SLC8A1: variants seen among roughly 807,000 people sequenced by gnomAD.
SLC8A1 encodes solute carrier family 8 member A1, also known as sodium/calcium exchanger 1.
Under a neutral mutation model 68.3 loss-of-function variants are expected in SLC8A1, and 18 were observed. The observed-to-expected ratio is 0.26, with a 90% CI of 0.18 to 0.39. The LOEUF (loss-of-function observed/expected upper bound fraction) is 0.39. SLC8A1 is among the 10% of genes least tolerant of loss of function. The probability of loss-of-function intolerance (pLI) is 1.00; values close to 1 mark genes in which losing one functional copy is unlikely to be tolerated. For missense variants in SLC8A1, 985 were observed against 1,156.7 expected, an observed-to-expected ratio of 0.85 and a Z score of 2.15; for synonymous variants, 475 against 415.5, an observed-to-expected ratio of 1.14 and a Z score of -1.74.
rs113487197 is a variant in SLC8A1, at chr2:40,500,556, G to T, written c.-25+11793C>A. Among the ~76,000 whole-genome samples the T allele has an allele frequency of 8.0e-3, 1,220 of 151,646 alleles. 20 individuals are homozygous for T. Among genetic ancestry groups the T allele is most frequent in the African/African-American group, 0.028 (1,162 of 41,370 alleles). Reference sequence around the variant, plus strand: ...AATATCTTATAAATCTAATATTTGGGGAAAAAATGGAACTATTAATTTTAG... The same window carrying T: ...AATATCTTATAAATCTAATATTTGGTGAAAAAATGGAACTATTAATTTTAG... On this transcript the variant is annotated intron_variant, in intron 1 of 7. Coordinates refer to the SLC8A1 transcript ENST00000402441.
chr2:40,320,113 C>G (rs2075010074), intron 2 of SLC8A1, among the ~76,000 whole-genome samples: 1 of 152,048 alleles, frequency 6.6e-6, no homozygotes, highest in African/African-American at 2.4e-5. Flanking sequence ...ATTACCATCA[C>G]CATCATCTTC....
chr2:40,218,516 A>G (rs982224980), intron 2 of SLC8A1, among the ~76,000 whole-genome samples: 7 of 152,152 alleles, frequency 4.6e-5, no homozygotes, highest in African/African-American at 1.7e-4. Flanking sequence ...CTATTTTGCC[A>G]TTACTTTTAA....
chr2:40,396,747 CTAAAAAAAAAA>C (rs1279769201), intron 2 of SLC8A1, among the ~76,000 whole-genome samples: 1 of 23,460 alleles, frequency 4.3e-5, no homozygotes, highest in Non-Finnish European at 6.6e-5. Context: ...TCTCTAATAA[CTAAAAAAAAAA>C]AAAAAAAAAA....
At chr2:40,254,477 A>G (rs1222910493) in intron 2 of SLC8A1, 1 of 115,080 alleles carries the variant, frequency 8.7e-6, no homozygotes, top group Non-Finnish European at 1.9e-5. Flanking sequence ...AATGCAGTAA[A>G]GAATTACTCT....
chr2:40,360,427 G>A (rs1442146006), intron 2 of SLC8A1, among the ~76,000 whole-genome samples: 3 of 152,110 alleles, frequency 2.0e-5, no homozygotes, highest in Admixed American at 2.0e-4. Flanking sequence ...TAGGCTAACA[G>A]GTATTTATAT....
At chr2:40,350,751 C>T (rs1670828894) in intron 2 of SLC8A1, among the ~76,000 whole-genome samples, 1 of 152,028 alleles carries the variant, frequency 6.6e-6, no homozygotes, top group Non-Finnish European at 1.5e-5. Context: ...AACTGCCTGG[C>T]ACGTCACTAA....
At chr2:40,309,430 T>C (rs1458582101) in intron 2 of SLC8A1, among the ~76,000 whole-genome samples, 1 of 152,076 alleles carries the variant, frequency 6.6e-6, no homozygotes, top group African/African-American at 2.4e-5. Flanking sequence ...CTCCCTAAAA[T>C]TGGTTACTGA....
rs200332055 is a variant in SLC8A1, at chr2:40,357,043, A to G, written c.1808+71430T>C. Among the ~76,000 whole-genome samples, 32 of 152,356 alleles carry G rather than the reference A, an allele frequency of 2.1e-4. No individual in the cohort carries two copies. In the East Asian group the frequency reaches 5.6e-3, roughly 27 times the overall value. On this transcript the variant is annotated intron_variant, in intron 2 of 7. Transcript: ENST00000406785. ...CTCAGTCTGCCAGTTACATCTGCAG[A>G]ACACAGCAAGAAGAACTTTTACGAA... is the stretch of plus-strand genomic sequence containing the variant.
chr2:40,286,679 C>T (rs908158163), intron 2 of SLC8A1, among the ~76,000 whole-genome samples: 7 of 152,234 alleles, frequency 4.6e-5, no homozygotes, highest in East Asian at 1.9e-4. Context: ...CTCCATGGTC[C>T]GGAGCTGATG....
intron 1 of SLC8A1, among the ~76,000 whole-genome samples, chr2:40,500,826 G>A (rs1184606060): frequency 5.7e-4 from 7 of 12,356 alleles, no homozygotes; most frequent in African/African-American, 1.5e-3. Context: ...TTTTTTTTTG[G>A]CTTTTGCCTC....
chr2:40,484,407 T>C (rs146135964), intron 1 of SLC8A1, among the ~76,000 whole-genome samples: 2 of 152,332 alleles, frequency 1.3e-5, no homozygotes, highest in African/African-American at 4.8e-5. Flanking sequence ...TTTCTACCCA[T>C]GCTCCAAGCC....
At chr2:40,506,913 G>A (rs1354515994) in intron 1 of SLC8A1, among the ~76,000 whole-genome samples, 1 of 151,590 alleles carries the variant, frequency 6.6e-6, no homozygotes, top group Non-Finnish European at 1.5e-5. Flanking sequence ...AAAGAGGTAA[G>A]CTTTCATTTC....
chr2:40,462,497 C>T (rs573974171), intron 1 of SLC8A1, among the ~76,000 whole-genome samples: 7 of 149,230 alleles, frequency 4.7e-5, no homozygotes, highest in East Asian at 2.0e-4. Flanking sequence ...CTTTGAGAGG[C>T]AGTATCTCAT....
chr2:40,306,165 T>C (rs1050581316), intron 2 of SLC8A1, among the ~76,000 whole-genome samples: 1 of 152,138 alleles, frequency 6.6e-6, no homozygotes, highest in Non-Finnish European at 1.5e-5. Flanking sequence ...GGAACCCAAA[T>C]AAGAGGAAAA....
chr2:40,198,843 T>C (rs761748839), intron 2 of SLC8A1, among the ~76,000 whole-genome samples: 4 of 151,710 alleles, frequency 2.6e-5, no homozygotes, highest in Admixed American at 1.3e-4. Flanking sequence ...TGTCAGACCC[T>C]TTCCCTGCTG....
chr2:40,197,767 C>A lies in SLC8A1; in HGVS notation c.1809-19912G>T, dbSNP rs1208187661. ...TTCCCCAGCTTGCTACACCTTTTCT[C>A]CACTTTCTATGGAACCAAGAGAGTG... On this transcript the variant is annotated intron_variant, in intron 2 of 7. Coordinates refer to ENST00000406785, the Ensembl canonical transcript of SLC8A1. 3.8e-5 allele frequency among the ~76,000 whole-genome samples: 3 copies of A among 78,812 alleles called. No homozygotes were observed. The South Asian group carries it at 1.0e-3, about 27-fold the overall frequency. The allele number at this position is 78,812 out of a possible 152,430, so 51.7% of individuals were successfully genotyped here. A position where few individuals can be genotyped will look rare whatever the true frequency, so the allele number is the denominator to read the frequency against.
At chr2:40,318,001 G>A (rs1351622503) in intron 2 of SLC8A1, among the ~76,000 whole-genome samples, 1 of 152,044 alleles carries the variant, frequency 6.6e-6, no homozygotes. Context: ...GAGCAACACT[G>A]AAGTGTATAA....
chr2:40,275,906 G>C (rs1574993954), intron 2 of SLC8A1, among the ~76,000 whole-genome samples: 1 of 152,290 alleles, frequency 6.6e-6, no homozygotes, highest in Non-Finnish European at 1.5e-5. Context: ...TCTCCTGCAA[G>C]TGGGACCCCC....
intron 1 of SLC8A1, among the ~76,000 whole-genome samples, chr2:40,484,925 A>G (rs1323956847): frequency 6.6e-6 from 1 of 152,212 alleles, no homozygotes; most frequent in South Asian, 2.1e-4. Context: ...CTTGCATCCT[A>G]TATTTTTAAT....
Sources: allele counts gnomAD v4.1 joint callset (sites outside exome capture counted in the v4.1 genomes callset), GRCh38; gene constraint gnomAD v4.1.1; transcripts MANE v1.5; gene names NCBI Gene and HGNC (gene_info 2026-07-23, HGNC 2026-07-21).